Variants in NUBPL observed in about 807,000 individuals in gnomAD.
The protein encoded by NUBPL is iron-sulfur cluster transfer protein NUBPL.
Under a neutral mutation model 45.7 loss-of-function variants are expected in NUBPL, and 31 were observed. That is an observed-to-expected ratio of 0.68 (90% confidence interval 0.51 to 0.92). NUBPL has a LOEUF of 0.92. Ranked by LOEUF, NUBPL falls within the 40% of genes least tolerant of loss-of-function variation. The pLI is 0.00. For missense variants in NUBPL, 401 were observed against 398.7 expected (o/e 1.01, Z -0.05); for synonymous variants, 144 against 140.9 (o/e 1.02, Z -0.15).
chr14:31,671,392 G>T (rs2036566985), intron 4 of NUBPL, among the ~76,000 whole-genome samples: 1 of 152,140 alleles, frequency 6.6e-6, no homozygotes, highest in Admixed American at 6.6e-5. Flanking sequence ...AATATTAGCA[G>T]ACCAAATTCA....
intron 7 of NUBPL, among the ~76,000 whole-genome samples, chr14:31,808,994 T>A (rs1165291207): frequency 6.6e-6 from 1 of 152,224 alleles, no homozygotes. Flanking sequence ...ATAAGCTTTT[T>A]GATGTGCTGC....
chr14:31,755,168 T>C (rs1198625840), intron 6 of NUBPL, among the ~76,000 whole-genome samples: 2 of 152,188 alleles, frequency 1.3e-5, no homozygotes, highest in Non-Finnish European at 2.9e-5. Context: ...TACGTGTGCA[T>C]GTGTCTTTAT....
At chr14:31,720,474 T>C (rs1196749333) in intron 6 of NUBPL, among the ~76,000 whole-genome samples, 1 of 152,218 alleles carries the variant, frequency 6.6e-6, no homozygotes, top group Non-Finnish European at 1.5e-5. Flanking sequence ...TGTCTGTCCC[T>C]TTTAGCCTCA....
At chr14:31,761,600 A>T (rs1342174016) in intron 6 of NUBPL, among the ~76,000 whole-genome samples, 3 of 152,184 alleles carry the variant, frequency 2.0e-5, no homozygotes, top group African/African-American at 7.2e-5. Context: ...CTCCCTTAGT[A>T]GTGAAGTGAT....
At chr14:31,750,375 A>ATTTTTTTTTTTTTTTT (rs1218694753) in intron 6 of NUBPL, among the ~76,000 whole-genome samples, 1 of 130,224 alleles carries the variant, frequency 7.7e-6, no homozygotes, top group Non-Finnish European at 1.7e-5. Context: ...TATTTTTTTT[A>ATTTTTTTTTTTTTTTT]TTTTTTTTTA....
At chr14:31,843,846 C>T (rs1263509116) in intron 8 of NUBPL, 1 of 152,218 alleles carries the variant, frequency 6.6e-6, no homozygotes, top group Non-Finnish European at 1.5e-5. Context: ...CTATACTTTG[C>T]TTCCAGAGAA....
intron 6 of NUBPL, among the ~76,000 whole-genome samples, chr14:31,744,778 C>T (rs1338174864): frequency 2.6e-5 from 4 of 151,944 alleles, no homozygotes; most frequent in South Asian, 2.1e-4. Context: ...TGCACCACCA[C>T]GCCCAGCTAA....
chr14:31,798,920 T>C (rs1277688035), intron 7 of NUBPL, among the ~76,000 whole-genome samples: 1 of 151,884 alleles, frequency 6.6e-6, no homozygotes, highest in Non-Finnish European at 1.5e-5. Context: ...CACAGACTTG[T>C]AAGGATCAAA....
At chr14:31,577,754 A>C (rs968807195) in intron 3 of NUBPL, among the ~76,000 whole-genome samples, 11 of 151,742 alleles carry the variant, frequency 7.2e-5, no homozygotes, top group Non-Finnish European at 1.3e-4. Context: ...CTAATTTTGC[A>C]CTCTGTACTT....
At chr14:31,857,974 G>C (rs529039824) in intron 10 of NUBPL, among the ~76,000 whole-genome samples, 1 of 152,142 alleles carries the variant, frequency 6.6e-6, no homozygotes, top group Non-Finnish European at 1.5e-5. Flanking sequence ...CCAACTTACC[G>C]TAATAGTTTG....
At chr14:31,815,941 A>G (rs1338721422) in intron 7 of NUBPL, among the ~76,000 whole-genome samples, 1 of 152,108 alleles carries the variant, frequency 6.6e-6, no homozygotes, top group African/African-American at 2.4e-5. Flanking sequence ...GTTTGCCAGT[A>G]TTTTATTGAG....
chr14:31,807,445 C>G (rs1456311749), intron 7 of NUBPL, among the ~76,000 whole-genome samples: 3 of 152,108 alleles, frequency 2.0e-5, no homozygotes, highest in African/African-American at 7.2e-5. Flanking sequence ...TGTTCATATC[C>G]TTTGCCCACT....
intron 6 of NUBPL, among the ~76,000 whole-genome samples, chr14:31,699,209 G>A (rs566232355): frequency 6.6e-6 from 1 of 152,236 alleles, no homozygotes; most frequent in South Asian, 2.1e-4. Context: ...AGGCCTATAT[G>A]TCTGTAGCAA....
chr14:31,663,916 A>G (rs928841199), intron 4 of NUBPL, among the ~76,000 whole-genome samples: 8 of 152,050 alleles, frequency 5.3e-5, no homozygotes, highest in African/African-American at 7.2e-5. Flanking sequence ...ATTTCCTTGA[A>G]CAGTGGTTTG....
chr14:31,564,011 G>A (rs1384588482), intron 2 of NUBPL, among the ~76,000 whole-genome samples: 1 of 152,174 alleles, frequency 6.6e-6, no homozygotes, highest in Non-Finnish European at 1.5e-5. Context: ...ACAATAGAAG[G>A]TGGCAGAGCT....
intron 6 of NUBPL, among the ~76,000 whole-genome samples, chr14:31,766,943 A>T (rs556175107): frequency 2.6e-4 from 39 of 152,292 alleles, no homozygotes; most frequent in Admixed American, 2.5e-3. Context: ...GGAGAAGTAG[A>T]TGGGAGAATA....
chr14:31,733,432 A>AT (rs1164638091), intron 6 of NUBPL, among the ~76,000 whole-genome samples: 1 of 152,128 alleles, frequency 6.6e-6, no homozygotes, highest in Non-Finnish European at 1.5e-5. Context: ...TTTTGAGAGA[A>AT]TTGCCATCCT....
chr14:31,708,440 G>T (rs547160010), intron 6 of NUBPL, among the ~76,000 whole-genome samples: 1 of 152,108 alleles, frequency 6.6e-6, no homozygotes, highest in East Asian at 1.9e-4. Flanking sequence ...TGGGTAACTT[G>T]TTCCCCATAT....
At chr14:31,857,772 G>C (rs929206268) in intron 10 of NUBPL, among the ~76,000 whole-genome samples, 2 of 152,086 alleles carry the variant, frequency 1.3e-5, no homozygotes, top group Admixed American at 1.3e-4. Flanking sequence ...ATCTTAGCCT[G>C]GACCTTATTG....
Sources: gnomAD v4.1 joint callset for allele counts (sites outside exome capture counted in the v4.1 genomes callset) on GRCh38, gnomAD v4.1.1 for gene constraint, MANE v1.5 for transcripts, NCBI Gene and HGNC (gene_info 2026-07-23, HGNC 2026-07-21) for gene names.